PDSS2: variants seen among roughly 807,000 people sequenced by gnomAD.
PDSS2 encodes the protein decaprenyl diphosphate synthase subunit 2, also known as all trans-polyprenyl-diphosphate synthase PDSS2.
A neutral mutation model predicts 44.5 loss-of-function variants in PDSS2; 31 were observed. The observed-to-expected ratio is 0.70, with a 90% confidence interval of 0.52 to 0.94. The LOEUF is 0.94. Among genes scored for constraint, PDSS2 ranks in the 40% least tolerant of loss-of-function variants. PDSS2 has a pLI of 0.00. For missense variants in PDSS2, 452 were observed against 482.2 expected, an observed-to-expected ratio of 0.94 and a Z score of 0.59; for synonymous variants, 157 against 180.3, an observed-to-expected ratio of 0.87 and a Z score of 1.03.
intron 1 of PDSS2, among the ~76,000 whole-genome samples, chr6:107,344,519 C>T (rs540785682): frequency 1.3e-5 from 2 of 152,274 alleles, no homozygotes; most frequent in Non-Finnish European, 2.9e-5. Context: ...GCCACACACA[C>T]ATCCCACCTG....
At chr6:107,173,560 G>A (rs925725066) in intron 7 of PDSS2, among the ~76,000 whole-genome samples, 2 of 95,534 alleles carry the variant, frequency 2.1e-5, no homozygotes, top group Admixed American at 3.0e-4. Flanking sequence ...GTGATGGAAT[G>A]AGACTCTGTC....
At chr6:107,455,813 G>A (rs1381194842) in intron 1 of PDSS2, among the ~76,000 whole-genome samples, 3 of 140,516 alleles carry the variant, frequency 2.1e-5, no homozygotes, top group South Asian at 2.4e-4. Flanking sequence ...CTAGTGTTAT[G>A]AGAACTAGGA....
At chr6:107,235,400 G>A (rs1774191333) in intron 4 of PDSS2, among the ~76,000 whole-genome samples, 1 of 152,122 alleles carries the variant, frequency 6.6e-6, no homozygotes, top group Non-Finnish European at 1.5e-5. Context: ...TGTTCCACAA[G>A]TCAGAGTAAA....
chr6:107,154,901 G>T, intron 7 of PDSS2, 124 bp from the exon 8 acceptor site: 2 of 861,818 alleles, frequency 2.3e-6, no homozygotes, highest in Non-Finnish European at 3.8e-6. Context: ...GAGTATTTCT[G>T]CTACGTTATT....
At chr6:107,361,035 A>G (rs559220962) in intron 1 of PDSS2, among the ~76,000 whole-genome samples, 2 of 152,286 alleles carry the variant, frequency 1.3e-5, no homozygotes, top group South Asian at 4.1e-4. Context: ...TTAATGCTAT[A>G]ATTTACATAT....
intron 1 of PDSS2, among the ~76,000 whole-genome samples, chr6:107,398,880 C>CTT (rs1780024895): frequency 6.6e-6 from 1 of 152,172 alleles, no homozygotes; most frequent in South Asian, 2.1e-4. Context: ...GAGAAAGGGG[C>CTT]TTCCCTCTCT....
intron 2 of PDSS2, among the ~76,000 whole-genome samples, chr6:107,297,025 G>T (rs1776530418): frequency 6.6e-6 from 1 of 152,156 alleles, no homozygotes; most frequent in South Asian, 2.1e-4. Context: ...ACAAAGCACT[G>T]CATAGAGAGT....
chr6:107,262,974 G>C (rs1022795457), intron 3 of PDSS2, among the ~76,000 whole-genome samples: 2 of 151,830 alleles, frequency 1.3e-5, no homozygotes, highest in African/African-American at 2.4e-5. Flanking sequence ...AATAAAAAAG[G>C]TAATATTAGA....
chr6:107,173,270 AT>A (rs1562351752), intron 7 of PDSS2, among the ~76,000 whole-genome samples: 1 of 151,614 alleles, frequency 6.6e-6, no homozygotes, highest in Non-Finnish European at 1.5e-5. Context: ...TTAGTAGTGG[AT>A]TTATATTGAA....
intron 3 of PDSS2, among the ~76,000 whole-genome samples, chr6:107,247,739 C>T (rs1308049992): frequency 2.7e-5 from 4 of 150,826 alleles, no homozygotes; most frequent in African/African-American, 7.3e-5. Flanking sequence ...CAGTGGCTCA[C>T]GCCTGTAATA....
At chr6:107,360,076 A>G (rs575840326) in intron 1 of PDSS2, among the ~76,000 whole-genome samples, 45 of 152,326 alleles carry the variant, frequency 3.0e-4, no homozygotes, top group African/African-American at 1.0e-3. Flanking sequence ...TGTTCTTGGT[A>G]TATAAATTTT....
At chr6:107,333,365 TTTTAAG>T (rs1777771835) in intron 2 of PDSS2, among the ~76,000 whole-genome samples, 1 of 152,112 alleles carries the variant, frequency 6.6e-6, no homozygotes, top group Admixed American at 6.5e-5. Context: ...AAACTGAAAA[TTTTAAG>T]TTTATTTTAT....
chr6:107,357,805 CATTTT>C (rs1405688715), intron 1 of PDSS2, among the ~76,000 whole-genome samples: 2 of 152,094 alleles, frequency 1.3e-5, no homozygotes, highest in African/African-American at 2.4e-5. Context: ...GGAATCTTTA[CATTTT>C]ATTAAAAGAT....
At chr6:107,331,119 C>T (rs181498693) in intron 2 of PDSS2, among the ~76,000 whole-genome samples, 207 of 152,234 alleles carry the variant, frequency 1.4e-3, no homozygotes, top group African/African-American at 4.2e-3. Flanking sequence ...TAGTACTTCC[C>T]TCAAATGTTA....
intron 7 of PDSS2, among the ~76,000 whole-genome samples, chr6:107,155,764 G>A (rs1278351417): frequency 2.0e-5 from 3 of 150,542 alleles, no homozygotes; most frequent in Non-Finnish European, 3.0e-5. Context: ...ATTTTTGGTA[G>A]AGAAGGGGTT....
At chr6:107,178,148 T>C (rs1771857732) in intron 7 of PDSS2, among the ~76,000 whole-genome samples, 1 of 152,214 alleles carries the variant, frequency 6.6e-6, no homozygotes, top group Non-Finnish European at 1.5e-5. Context: ...AAATACATCC[T>C]GATATAAGAT....
At chr6:107,227,934 T>A (rs898137056) in intron 4 of PDSS2, among the ~76,000 whole-genome samples, 1 of 152,160 alleles carries the variant, frequency 6.6e-6, no homozygotes, top group African/African-American at 2.4e-5. Context: ...AGGATGGAGA[T>A]AAAAATTGGG....
chr6:107,241,107 G>C (rs1774407624), intron 4 of PDSS2, among the ~76,000 whole-genome samples: 2 of 151,756 alleles, frequency 1.3e-5, no homozygotes, highest in Non-Finnish European at 2.9e-5. Context: ...AAATTAGTGA[G>C]ACGTGGTGGT....
chr6:107,245,663 A>G (rs777577025), intron 3 of PDSS2, 44 bp from the exon 4 acceptor site: 35 of 1,205,652 alleles, frequency 2.9e-5, no homozygotes, highest in Admixed American at 8.1e-5. Context: ...ATTTAAATAT[A>G]TCTCTATTGT....
Sources: gnomAD v4.1 joint callset for allele counts (sites outside exome capture counted in the v4.1 genomes callset) on GRCh38, gnomAD v4.1.1 for gene constraint, MANE v1.5 for transcripts, NCBI Gene and HGNC (gene_info 2026-07-23, HGNC 2026-07-21) for gene names.